CDC25A: variants seen among roughly 807,000 people sequenced by gnomAD.
CDC25A encodes the protein cell division cycle 25A.
In CDC25A, 17 loss-of-function variants were observed where a neutral mutation model predicts 64.6. That is an observed-to-expected ratio of 0.26 (90% CI 0.18 to 0.39). The LOEUF (loss-of-function observed/expected upper bound fraction) is 0.39, where lower values mean the gene tolerates loss of function less well. Among genes scored for constraint, CDC25A ranks in the 10% least tolerant of loss-of-function variants. The pLI is 1.00. For missense variants in CDC25A, 473 were observed against 654.8 expected, an observed-to-expected ratio of 0.72 and a Z score of 3.03; for synonymous variants, 229 against 238.6, an observed-to-expected ratio of 0.96 and a Z score of 0.37.
At chr3:48,163,165 C>T (rs2031854551) in intron 13 of CDC25A, among the ~76,000 whole-genome samples, 1 of 151,416 alleles carries the variant, frequency 6.6e-6, no homozygotes, top group African/African-American at 2.4e-5. Context: ...CGCCTGTTAT[C>T]CCAGCTACTC....
At position 48,165,208 on chromosome 3, in the gene CDC25A, A is replaced by T. The variant is rs2031956261; in HGVS notation, c.1191+428T>A. ...CCTCCACCAGGCAGCTTGCTGAACAATCAACTTTGGAGGCATCACTAGGCC... is the reference window on the plus strand; with the variant it reads ...CCTCCACCAGGCAGCTTGCTGAACATTCAACTTTGGAGGCATCACTAGGCC... On this transcript the variant is annotated intron_variant, in intron 12 of 14. Coordinates refer to ENST00000302506, the MANE Select transcript of CDC25A (RefSeq NM_001789.3). Among the ~76,000 whole-genome samples the T allele has an allele frequency of 2.0e-5, 3 of 152,014 alleles. No individual in the cohort carries two copies. In the South Asian group the frequency reaches 6.2e-4, roughly 32 times the overall value.
chr3:48,159,363 T>C lies in CDC25A; in HGVS notation c.1415A>G (p.Glu472Gly). 1 of 1,612,890 alleles carries C rather than the reference T, an allele frequency of 6.2e-7. No homozygotes were observed. Among genetic ancestry groups the C allele is most frequent in the Non-Finnish European group, 8.5e-7 (1 of 1,179,002 alleles). ...TCTTACCTGGCATTTCATAAAGAAC[T>C]CCTTGTATCCCCCCTTCAGGACATA... ...ELYVLKGGYK[E>G]FFMKCQSYCE... Residue 472 changes from glutamate (E) to glycine (G), a missense_variant, in exon 14 of 15, where the codon GAG becomes GGG. This residue lies in a region of CDC25A where 97 missense variants were observed against 223.0 expected (regional missense o/e 0.43). Coordinates refer to ENST00000302506, the MANE Select transcript of CDC25A (RefSeq NM_001789.3).
chr3:48,181,791 CAA>C (rs878946423), intron 5 of CDC25A: 16,021 of 428,752 alleles, frequency 0.037, no homozygotes, highest in South Asian at 0.047. Flanking sequence ...CATGAAGAAT[CAA>C]AAAAAAAAAA....
At chr3:48,159,821 A>C (rs1480603657) in intron 13 of CDC25A, among the ~76,000 whole-genome samples, 2 of 152,108 alleles carry the variant, frequency 1.3e-5, no homozygotes, top group African/African-American at 4.8e-5. Flanking sequence ...CTCCTTCTAC[A>C]TAAGTGGGCT....
At chr3:48,166,866 C>T (rs940562009) in intron 10 of CDC25A, among the ~76,000 whole-genome samples, 10 of 152,222 alleles carry the variant, frequency 6.6e-5, no homozygotes, top group South Asian at 4.1e-4. Flanking sequence ...ATAGCATGTG[C>T]GAATAGCCAC....
intron 6 of CDC25A, among the ~76,000 whole-genome samples, chr3:48,178,836 C>T (rs1041379922): frequency 6.6e-6 from 1 of 152,310 alleles, no homozygotes; most frequent in African/African-American, 2.4e-5. Context: ...AAATCCACAC[C>T]TGAAGATAAA....
intron 10 of CDC25A, among the ~76,000 whole-genome samples, chr3:48,166,809 C>T (rs541224389): frequency 6.6e-6 from 1 of 152,266 alleles, no homozygotes; most frequent in East Asian, 1.9e-4. Context: ...GAGGCTGAGG[C>T]AGGGGGAGCA....
At chr3:48,164,644 A>C (rs1341023207) in intron 12 of CDC25A, among the ~76,000 whole-genome samples, 2 of 152,174 alleles carry the variant, frequency 1.3e-5, no homozygotes, top group Non-Finnish European at 2.9e-5. Context: ...TTCATCATAC[A>C]GTAATGCACA....
In CDC25A at chr3:48,158,325, GATAACTT is replaced by G. The variant is rs1318215252; in HGVS notation, c.*613_*619del. The G allele has an allele frequency of 6.6e-6, 1 of 152,234 alleles. No homozygotes were observed. The highest frequency in any genetic ancestry group is 2.4e-5 in the African/African-American group (1 of 41,332). 9.4% of individuals were successfully genotyped at this position (152,234 alleles called of 1,614,324 possible). A position where few individuals can be genotyped will look rare whatever the true frequency, so the allele number is the denominator to read the frequency against. On this transcript the variant is annotated 3_prime_UTR_variant, in exon 15 of 15. Transcript: ENST00000302506. ...TGACAGAGCACCTAGCTTTCTGTCCGATAACTTATAACAGGTTTGCATTTTCTTACCC... is the reference window on the plus strand; with the variant it reads ...TGACAGAGCACCTAGCTTTCTGTCCGATAACAGGTTTGCATTTTCTTACCC...
At chr3:48,177,559 T>G (rs2032509118) in intron 7 of CDC25A, 117 bp from the exon 8 acceptor site, 1 of 787,140 alleles carries the variant, frequency 1.3e-6, no homozygotes, top group African/African-American at 1.7e-5. Flanking sequence ...GGAAGTATCC[T>G]TAATGTACCA....
intron 12 of CDC25A, among the ~76,000 whole-genome samples, chr3:48,164,693 A>G (rs2031927891): frequency 6.6e-6 from 1 of 152,198 alleles, no homozygotes; most frequent in Admixed American, 6.6e-5. Context: ...TGACAATGGT[A>G]CACTTTATAG....
rs1450515090 is a variant in CDC25A at position 48,188,108 on chromosome 3, G to A, written c.-161C>T. ...AGGGACGCGGCTGCCGCGGGCAAGC[G>A]GCGCGGCCGGGCGGGTGTGCGGACC... On this transcript the variant is annotated 5_prime_UTR_variant, in exon 1 of 15. Coordinates refer to ENST00000302506, the MANE Select transcript of CDC25A (RefSeq NM_001789.3). 3 of 499,326 alleles carry A rather than the reference G, an allele frequency of 6.0e-6. No homozygotes were observed. The highest frequency in any genetic ancestry group is 9.1e-6 in the Non-Finnish European group (3 of 328,706). The allele number at this position is 499,326 out of a possible 1,614,324, so 30.9% of individuals were successfully genotyped here.
intron 13 of CDC25A, chr3:48,161,046 G>C (rs1003488071): frequency 6.6e-6 from 1 of 151,888 alleles, no homozygotes; most frequent in African/African-American, 2.4e-5. Flanking sequence ...CCAGCTACTT[G>C]GGAGGCTGAG....
At position 48,165,736 on chromosome 3, in the gene CDC25A, TG is replaced by T; in HGVS notation, c.1093-3del. 1 of 1,611,646 alleles carries T rather than the reference TG, an allele frequency of 6.2e-7. No individual in the cohort carries two copies. On this transcript the variant is annotated splice_region_variant and splice_polypyrimidine_tract_variant and intron_variant, in intron 11 of 14. Coordinates refer to ENST00000302506, the MANE Select transcript of CDC25A (RefSeq NM_001789.3). ...CTTGCCATTCAAAACAGATGCCATC[TG>T]TTGAGAGAAAATTAGGGAGAATCAA...
intron 10 of CDC25A, among the ~76,000 whole-genome samples, chr3:48,167,319 ATTC>A (rs1353560470): frequency 6.6e-6 from 1 of 152,222 alleles, no homozygotes; most frequent in East Asian, 1.9e-4. Context: ...CTATTGACAC[ATTC>A]CCTGTCCTAG....
Position 48,188,034 on chromosome 3 carries a change from G to A in CDC25A, c.-87C>T. ...CGCCCCGCCGACACCGGCCTCGGCC[G>A]CGCGCCACCGGCGCCCGCGGGTCAA... On this transcript the variant is annotated 5_prime_UTR_variant, in exon 1 of 15. Coordinates refer to ENST00000302506, the MANE Select transcript of CDC25A (RefSeq NM_001789.3). 1 of 1,135,476 alleles carries A rather than the reference G, an allele frequency of 8.8e-7. No individual in the cohort carries two copies. The highest frequency in any genetic ancestry group is 1.1e-6 in the Non-Finnish European group (1 of 893,176). 70.3% of individuals were successfully genotyped at this position (1,135,476 alleles called of 1,614,324 possible).
At chr3:48,166,314 ATTAG>A (rs1032852656) in intron 10 of CDC25A, among the ~76,000 whole-genome samples, 4 of 152,126 alleles carry the variant, frequency 2.6e-5, no homozygotes, top group South Asian at 2.1e-4. Context: ...GCAAACAAAC[ATTAG>A]TTAGTACACA....
intron 6 of CDC25A, among the ~76,000 whole-genome samples, 182 bp from the exon 7 acceptor site, chr3:48,178,170 C>T (rs2032536828): frequency 6.6e-6 from 1 of 152,226 alleles, no homozygotes; most frequent in Non-Finnish European, 1.5e-5. Flanking sequence ...GATGACCACA[C>T]ACAGCCCTGA....
intron 12 of CDC25A, among the ~76,000 whole-genome samples, chr3:48,164,723 G>A (rs2031929625): frequency 6.6e-6 from 1 of 152,040 alleles, no homozygotes; most frequent in African/African-American, 2.4e-5. Flanking sequence ...TAAATTTGGG[G>A]ATTTTCAAAA....
Sources: gnomAD v4.1 joint callset for allele counts (sites outside exome capture counted in the v4.1 genomes callset) on GRCh38, gnomAD v4.1.1 for gene constraint, gnomAD v4.1.1 regional missense constraint, MANE v1.5 for transcripts, NCBI Gene and HGNC (gene_info 2026-07-23, HGNC 2026-07-21) for gene names.